B4GALT1: variants seen among roughly 807,000 people sequenced by gnomAD.
B4GALT1 encodes the protein N-acetyllactosamine synthase.
In B4GALT1, 16 loss-of-function variants were observed where a neutral mutation model predicts 34.9. The ratio of observed to expected loss-of-function variants is 0.46; its 90% confidence interval spans 0.31 to 0.70. The LOEUF is 0.70. Ranked by LOEUF, B4GALT1 falls within the 30% of genes least tolerant of loss-of-function variation. B4GALT1 has a pLI of 0.05. For synonymous variants in B4GALT1, 221 were observed against 218.1 expected (o/e 1.01, Z -0.12); for missense variants, 445 against 530.5 (o/e 0.84, Z 1.58).
At position 33,112,783 on chromosome 9, in the gene B4GALT1, A is replaced by G. The variant is rs1024530433; in HGVS notation, c.*671T>C. ...CACAACAACTTTACATTCAGAAATC[A>G]GACAATCTGGAGATAGGCCACTGAA... On this transcript the variant is annotated 3_prime_UTR_variant, in exon 6 of 6. Transcript: ENST00000379731. 2 of 153,262 alleles carry G rather than the reference A, an allele frequency of 1.3e-5. No homozygotes were observed. The highest frequency in any genetic ancestry group is 4.8e-5 in the African/African-American group (2 of 41,464). The allele number at this position is 153,262 out of a possible 1,614,324, so 9.5% of individuals were successfully genotyped here.
intron 2 of B4GALT1, among the ~76,000 whole-genome samples, chr9:33,121,561 A>G (rs1840021458): frequency 7.1e-6 from 1 of 141,030 alleles, no homozygotes; most frequent in South Asian, 2.2e-4. Context: ...TTCAGTAGAG[A>G]TGGGTTTCAC....
chr9:33,168,379 A>G (rs1840803739), upstream of B4GALT1, among the ~76,000 whole-genome samples: 1 of 152,232 alleles, frequency 6.6e-6, no homozygotes, highest in Admixed American at 6.5e-5. Context: ...ACCTCACCCC[A>G]GAGAAAGACT....
At chr9:33,183,525 A>G in the B4GALT1 span, among the ~76,000 whole-genome samples, 20 of 139,508 alleles carry the variant, frequency 1.4e-4, no homozygotes, top group African/African-American at 5.4e-4. Context: ...TCAGTAAACT[A>G]TCGCAAGAAC....
At chr9:33,166,701 G>A in intron 1 of B4GALT1, 57 bp downstream of exon 1, 1 of 1,460,444 alleles carries the variant, frequency 6.8e-7, no homozygotes. Flanking sequence ...GGGGGACCCT[G>A]TCGGGGAAAT....
At chr9:33,149,840 T>C (rs996830026) in intron 1 of B4GALT1, among the ~76,000 whole-genome samples, 1 of 152,208 alleles carries the variant, frequency 6.6e-6, no homozygotes, top group African/African-American at 2.4e-5. Context: ...AACTGGCCTG[T>C]ACTCTTCAAC....
chr9:33,166,683 G>C (rs943109131), intron 1 of B4GALT1, 75 bp downstream of exon 1: 18 of 1,411,700 alleles, frequency 1.3e-5, no homozygotes, highest in Non-Finnish European at 1.6e-5. Flanking sequence ...CAGCCTGAGG[G>C]AATGTCTGGG....
chr9:33,113,830 C>G lies in B4GALT1; in HGVS notation c.1008G>C (p.Gly336=), dbSNP rs1839900901. ...TTGAGTGGCGGATCATGCGACACCT[C>G]CCGACCACAGCATTTGGGCGAGATA... is the stretch of plus-strand genomic sequence containing the variant. ...MSISRPNAVV[G]RCRMIRHSRD... Residue 336 remains glycine, a synonymous_variant, in exon 5 of 6, where the codon GGG becomes GGC. Coordinates refer to ENST00000379731, the MANE Select transcript of B4GALT1 (RefSeq NM_001497.4). 6.2e-7 allele frequency: 1 copy of G among 1,614,070 alleles called. No individual in the cohort carries two copies. The highest frequency in any genetic ancestry group is 1.1e-5 in the South Asian group (1 of 91,086).
chr9:33,104,797 C>G (rs1482926670), intron 2 of B4GALT1: 3 of 445,290 alleles, frequency 6.7e-6, no homozygotes, highest in Non-Finnish European at 1.3e-5. Flanking sequence ...GTAAAATACA[C>G]ATAACAGAAA....
the B4GALT1 span, among the ~76,000 whole-genome samples, chr9:33,182,475 C>T: frequency 6.6e-6 from 1 of 152,222 alleles, no homozygotes; most frequent in Admixed American, 6.5e-5. Context: ...AGAAATAAGC[C>T]AAAAAGGAAG....
downstream of B4GALT1, among the ~76,000 whole-genome samples, chr9:33,106,237 A>T (rs1839795712): frequency 6.6e-6 from 1 of 152,142 alleles, no homozygotes. Flanking sequence ...TGTGATTTTT[A>T]TCTGCATTTC....
At chr9:33,119,394 C>G (rs555296541) in intron 3 of B4GALT1, among the ~76,000 whole-genome samples, 2 of 152,090 alleles carry the variant, frequency 1.3e-5, no homozygotes, top group African/African-American at 4.8e-5. Context: ...AAGTTTGTGC[C>G]CTGCTGGAAA....
chr9:33,142,218 T>C (rs1279480337), intron 1 of B4GALT1, among the ~76,000 whole-genome samples: 1 of 152,174 alleles, frequency 6.6e-6, no homozygotes, highest in Non-Finnish European at 1.5e-5. Flanking sequence ...CTTGACCTCA[T>C]GATCTGCCTG....
chr9:33,136,347 G>A (rs946783545), intron 1 of B4GALT1, among the ~76,000 whole-genome samples: 2 of 152,222 alleles, frequency 1.3e-5, no homozygotes, highest in South Asian at 2.1e-4. Context: ...GTCACATACC[G>A]GGTATGTGGT....
intron 1 of B4GALT1, among the ~76,000 whole-genome samples, chr9:33,150,150 T>TAC (rs1554687988): frequency 8.3e-6 from 1 of 119,886 alleles, no homozygotes; most frequent in Non-Finnish European, 1.8e-5. Flanking sequence ...TATAGATATA[T>TAC]ACACACACAC....
At chr9:33,165,498 A>T (rs1840736947) in intron 1 of B4GALT1, among the ~76,000 whole-genome samples, 1 of 152,210 alleles carries the variant, frequency 6.6e-6, no homozygotes, top group African/African-American at 2.4e-5. Flanking sequence ...TAAAAAAACA[A>T]GCCCCCATTA....
chr9:33,172,914 A>T, the B4GALT1 span, among the ~76,000 whole-genome samples: 8 of 151,522 alleles, frequency 5.3e-5, no homozygotes, highest in Non-Finnish European at 8.8e-5. Context: ...GTCAAAGCCC[A>T]ACCAGGATAG....
chr9:33,125,260 T>G (rs1439379468), intron 2 of B4GALT1, among the ~76,000 whole-genome samples: 1 of 152,014 alleles, frequency 6.6e-6, no homozygotes, highest in South Asian at 2.1e-4. Context: ...GTGAGAGCAT[T>G]TGTAAAGGCG....
intron 1 of B4GALT1, among the ~76,000 whole-genome samples, chr9:33,164,192 A>C (rs1840715538): frequency 6.6e-6 from 1 of 152,196 alleles, no homozygotes; most frequent in Non-Finnish European, 1.5e-5. Context: ...CGGGGAAAGG[A>C]ACTGCAAGTA....
At chr9:33,168,192 A>G (rs1023958983), upstream of B4GALT1, among the ~76,000 whole-genome samples, 3 of 152,210 alleles carry the variant, frequency 2.0e-5, no homozygotes, top group Admixed American at 2.0e-4. Flanking sequence ...AAACTTTCCT[A>G]AGAGCCCACA....
Sources: allele counts gnomAD v4.1 joint callset (sites outside exome capture counted in the v4.1 genomes callset), GRCh38; gene constraint gnomAD v4.1.1; transcripts MANE v1.5; gene names NCBI Gene and HGNC (gene_info 2026-07-23, HGNC 2026-07-21).